ABI2: variants seen among roughly 807,000 people sequenced by gnomAD.
ABI2 encodes abl interactor 2, also known as abelson interactor 2.
A neutral mutation model predicts 59.2 loss-of-function variants in ABI2; 25 were observed. The observed-to-expected ratio is 0.42, with a 90% CI of 0.31 to 0.59. The LOEUF is 0.59. ABI2 is among the 20% of genes least tolerant of loss of function. ABI2 has a pLI of 0.14. For missense variants in ABI2, 545 were observed against 681.8 expected, an observed-to-expected ratio of 0.80 and a Z score of 2.23; for synonymous variants, 213 against 235.5, an observed-to-expected ratio of 0.90 and a Z score of 0.87.
intron 11 of ABI2, among the ~76,000 whole-genome samples, chr2:203,419,139 C>T (rs1215671741): frequency 7.5e-5 from 9 of 119,260 alleles, no homozygotes; most frequent in African/African-American, 1.3e-4. Context: ...GACGGAGTTT[C>T]GCTCTTGTTG....
chr2:203,370,942 A>G (rs1399738179), intron 2 of ABI2, among the ~76,000 whole-genome samples: 1 of 152,154 alleles, frequency 6.6e-6, no homozygotes, highest in Non-Finnish European at 1.5e-5. Flanking sequence ...ACCACCTTTC[A>G]GCCTCCTAGC....
At chr2:203,398,621 T>C (rs913073410) in intron 8 of ABI2, among the ~76,000 whole-genome samples, 1 of 152,200 alleles carries the variant, frequency 6.6e-6, no homozygotes, top group African/African-American at 2.4e-5. Flanking sequence ...TTGGCAAAGG[T>C]GTACTGACAT....
intron 2 of ABI2, among the ~76,000 whole-genome samples, chr2:203,378,490 A>G (rs1002002522): frequency 6.6e-6 from 1 of 152,168 alleles, no homozygotes; most frequent in Non-Finnish European, 1.5e-5. Flanking sequence ...CCATTTATAC[A>G]TTCGTTAGCT....
chr2:203,356,308 A>G (rs2091939126), intron 1 of ABI2, among the ~76,000 whole-genome samples: 1 of 152,084 alleles, frequency 6.6e-6, no homozygotes, highest in Non-Finnish European at 1.5e-5. Context: ...CCTCCCAAGT[A>G]GCTGGGATCA....
At chr2:203,373,345 C>T (rs1158172952) in intron 2 of ABI2, among the ~76,000 whole-genome samples, 3 of 152,330 alleles carry the variant, frequency 2.0e-5, no homozygotes, top group Admixed American at 6.5e-5. Flanking sequence ...CGCCTGTAAT[C>T]GCAGGCACTC....
At chr2:203,372,922 G>T (rs1003179745) in intron 2 of ABI2, among the ~76,000 whole-genome samples, 4 of 152,022 alleles carry the variant, frequency 2.6e-5, no homozygotes, top group African/African-American at 9.7e-5. Context: ...GGGCAGAGAC[G>T]CTCCTCACTT....
intron 9 of ABI2, among the ~76,000 whole-genome samples, chr2:203,405,213 A>G (rs962120014): frequency 2.6e-5 from 4 of 152,156 alleles, no homozygotes; most frequent in Admixed American, 2.6e-4. Context: ...CAGGGATTTG[A>G]TAACTGTTTA....
At chr2:203,366,792 C>G in intron 1 of ABI2, 85 bp from the exon 2 acceptor site, 12 of 1,320,332 alleles carry the variant, frequency 9.1e-6, no homozygotes, top group Non-Finnish European at 1.2e-5. Flanking sequence ...TCAGCAGAAT[C>G]GTTGTGATGA....
At chr2:203,338,983 A>AATATATATATATATATATAAATATAT (rs2078198579) in intron 1 of ABI2, among the ~76,000 whole-genome samples, 1 of 12,336 alleles carries the variant, frequency 8.1e-5, no homozygotes, top group African/African-American at 2.6e-4. Context: ...TATATATATA[A>AATATATATATATATATATAAATATAT]ATATATATAT....
At chr2:203,345,155 G>C (rs548089521) in intron 1 of ABI2, among the ~76,000 whole-genome samples, 1 of 152,296 alleles carries the variant, frequency 6.6e-6, no homozygotes, top group South Asian at 2.1e-4. Context: ...TTTATGAGTT[G>C]TAACACTCAC....
rs376672899 is a variant in ABI2 at position 203,420,610 on chromosome 2, G to T, written c.1453+3529G>T. ...GGGTTTCACCATGTTAGCCAGGATG[G>T]TCTCAATCTCCTGACCTTGTGATCC... is the stretch of plus-strand genomic sequence containing the variant. On this transcript the variant is annotated intron_variant, in intron 11 of 11. Coordinates refer to ENST00000261018, the MANE Select transcript of ABI2 (RefSeq NM_001375670.1). Among the ~76,000 whole-genome samples, 37 of 152,116 alleles carry T rather than the reference G, an allele frequency of 2.4e-4. 1 individual carries two copies. The South Asian group carries it at 7.3e-3, about 30-fold the overall frequency.
At chr2:203,373,089 C>G (rs2095407845) in intron 2 of ABI2, among the ~76,000 whole-genome samples, 1 of 152,208 alleles carries the variant, frequency 6.6e-6, no homozygotes, top group African/African-American at 2.4e-5. Context: ...GCAATCTCGG[C>G]ACTTTGGGAG....
intron 2 of ABI2, among the ~76,000 whole-genome samples, chr2:203,378,929 C>T (rs2095905101): frequency 6.6e-6 from 1 of 152,058 alleles, no homozygotes; most frequent in South Asian, 2.1e-4. Context: ...TTTCAAGAAA[C>T]AGTATTTTAC....
In ABI2 at chr2:203,365,083, TA is replaced by T. The variant is rs1317804399; in HGVS notation, c.118-1785del. Among the ~76,000 whole-genome samples, 10 of 151,586 alleles carry T rather than the reference TA, an allele frequency of 6.6e-5. No individual in the cohort carries two copies. In the East Asian group the frequency reaches 1.7e-3, roughly 26 times the overall value. ...TAATGGAAGTAATACATGCCCAAGTTAAAAAAAAATTAAGCCATACTGAAAA... is the reference window on the plus strand; with the variant it reads ...TAATGGAAGTAATACATGCCCAAGTTAAAAAAAATTAAGCCATACTGAAAA... On this transcript the variant is annotated intron_variant, in intron 1 of 11. Coordinates refer to ENST00000261018, the MANE Select transcript of ABI2 (RefSeq NM_001375670.1).
intron 1 of ABI2, among the ~76,000 whole-genome samples, chr2:203,363,833 C>T (rs1464402577): frequency 6.6e-6 from 1 of 151,996 alleles, no homozygotes; most frequent in Non-Finnish European, 1.5e-5. Flanking sequence ...GGTGCGATCT[C>T]GGCTCACTGC....
At chr2:203,374,790 G>C (rs1418555583) in intron 2 of ABI2, 1 of 451,774 alleles carries the variant, frequency 2.2e-6, no homozygotes, top group Admixed American at 2.4e-5. Context: ...AATTTAGTTG[G>C]GTTAATCCAC....
At chr2:203,383,933 A>G (rs1003365432) in intron 4 of ABI2, among the ~76,000 whole-genome samples, 2 of 151,736 alleles carry the variant, frequency 1.3e-5, no homozygotes, top group African/African-American at 4.8e-5. Context: ...TACTTTTTAT[A>G]CTTTTCAGAC....
intron 6 of ABI2, among the ~76,000 whole-genome samples, 172 bp from the exon 7 acceptor site, chr2:203,395,484 C>T (rs1053581179): frequency 4.0e-5 from 6 of 148,194 alleles, no homozygotes; most frequent in South Asian, 4.3e-4. Context: ...CACACACACA[C>T]ATTTTTTTTT....
intron 8 of ABI2, among the ~76,000 whole-genome samples, chr2:203,400,981 A>G (rs897282189): frequency 8.5e-5 from 13 of 152,192 alleles, no homozygotes; most frequent in Non-Finnish European, 1.6e-4. Context: ...ATATTACATA[A>G]GTCTTATCTC....
Sources: gnomAD v4.1 joint callset for allele counts (sites outside exome capture counted in the v4.1 genomes callset) on GRCh38, gnomAD v4.1.1 for gene constraint, MANE v1.5 for transcripts, NCBI Gene and HGNC (gene_info 2026-07-23, HGNC 2026-07-21) for gene names.